Variants in AGRN observed in about 807,000 individuals in gnomAD.
AGRN encodes the protein agrin proteoglycan.
In AGRN, 106 loss-of-function variants were observed where a neutral mutation model predicts 211.0. The observed-to-expected ratio is 0.50, with a 90% CI of 0.43 to 0.59. AGRN has a LOEUF of 0.59. Among genes scored for constraint, AGRN ranks in the 20% least tolerant of loss-of-function variants. AGRN has a pLI of 0.00. For missense variants in AGRN, 3,040 were observed against 2,982.6 expected (o/e 1.02, Z -0.45); for synonymous variants, 1,525 against 1,332.5 (o/e 1.14, Z -3.15).
At chr1:1,029,710 A>G (rs1570154044) in intron 2 of AGRN, among the ~76,000 whole-genome samples, 1 of 55,504 alleles carries the variant, frequency 1.8e-5, no homozygotes, top group Non-Finnish European at 3.7e-5. Flanking sequence ...CTGTGAGATC[A>G]TGTGTGTGTG....
chr1:1,038,441 A>C (rs1028304475), intron 3 of AGRN, among the ~76,000 whole-genome samples: 2 of 152,220 alleles, frequency 1.3e-5, no homozygotes, highest in African/African-American at 4.8e-5. Flanking sequence ...CCCTGCAAGC[A>C]GTCCAGCCCC....
intron 1 of AGRN, 49 bp downstream of exon 1, chr1:1,020,422 C>A: frequency 1.4e-6 from 2 of 1,469,652 alleles, no homozygotes; most frequent in Non-Finnish European, 1.8e-6. Context: ...TGCCGCCCCG[C>A]CGGGACCCCC....
rs150375055 is a variant in AGRN, at chr1:1,021,401, G to A, written c.202-800G>A. The stretch of plus-strand genomic sequence containing the variant: ...AAGAGGCTCTGCCTGCGCAACTGGA[G>A]GGGGTCCCTGCGGATGCCGCAGTCC... On this transcript the variant is annotated intron_variant, in intron 1 of 35. Transcript: ENST00000379370. 2.1e-3 allele frequency among the ~76,000 whole-genome samples: 327 copies of A among 152,366 alleles called. 1 individual carries two copies. The highest frequency in any genetic ancestry group is 7.1e-3 in the African/African-American group (296 of 41,586).
intron 14 of AGRN, 105 bp downstream of exon 14, chr1:1,045,628 C>G: frequency 6.2e-7 from 1 of 1,606,932 alleles, no homozygotes; most frequent in Non-Finnish European, 8.5e-7. Flanking sequence ...TGACCCACAC[C>G]TGGCTGGGGG....
intron 1 of AGRN, among the ~76,000 whole-genome samples, chr1:1,020,768 G>A (rs1644380228): frequency 6.7e-6 from 1 of 148,696 alleles, no homozygotes; most frequent in Non-Finnish European, 1.5e-5. Context: ...GGGGCGAGAG[G>A]GGTTGGTCAG....
At chr1:1,023,947 G>T (rs1199919163) in intron 2 of AGRN, among the ~76,000 whole-genome samples, 1 of 152,178 alleles carries the variant, frequency 6.6e-6, no homozygotes, top group Admixed American at 6.5e-5. Flanking sequence ...CCCACAGCCA[G>T]TATGCAGCTT....
intron 2 of AGRN, among the ~76,000 whole-genome samples, chr1:1,027,454 C>T (rs1644545099): frequency 6.6e-6 from 1 of 152,202 alleles, no homozygotes. Flanking sequence ...GGCTCTTCCT[C>T]TGTCCTCGTG....
At chr1:1,053,306 T>A (rs534671437) in intron 33 of AGRN, 1 of 552,446 alleles carries the variant, frequency 1.8e-6, no homozygotes, top group African/African-American at 2.1e-5. Context: ...TGTGTAGGTG[T>A]CCCTGCTGGG....
chr1:1,054,456 G>C lies in AGRN; in HGVS notation c.5885G>C (p.Arg1962Thr). The change falls in exon 35 of 36, where the codon AGG (arginine) becomes ACG (threonine). Residue 1962 changes from arginine (R) to threonine (T), a missense_variant. Transcript: ENST00000379370. ...WLRVVAHREQ[R>T]EGSLQVGNEA... ...CCTCCCTGCACACCCAGGGAGCAGA[G>C]GGAAGGTTCCCTGCAGGTGGGCAAT... The C allele has an allele frequency of 6.3e-7, 1 of 1,587,904 alleles. No homozygotes were observed. Among genetic ancestry groups the C allele is most frequent in the Non-Finnish European group, 8.6e-7 (1 of 1,167,390 alleles).
At position 1,038,881 on chromosome 1, in the gene AGRN, G is replaced by A. The variant is rs1644861287; in HGVS notation, c.512-1784G>A. ...AGAGAGAAGGGGAACCAGAAGGGAA[G>A]TGAAAGGGCCAGGGGTGCATGTGGT... On this transcript the variant is annotated intron_variant, in intron 3 of 35. Transcript: ENST00000379370. 2.0e-5 allele frequency among the ~76,000 whole-genome samples: 3 copies of A among 152,216 alleles called. No homozygotes were observed. The South Asian group carries it at 6.2e-4, about 32-fold the overall frequency.
In AGRN at chr1:1,048,921, C is replaced by T. The variant is rs1327890426; in HGVS notation, c.4160C>T (p.Thr1387Ile). 1.3e-6 allele frequency: 2 copies of T among 1,558,138 alleles called. No individual in the cohort carries two copies. Among genetic ancestry groups the T allele is most frequent in the East Asian group, 2.4e-5 (1 of 41,962 alleles). ...FEGRSFLAFP[T>I]LRAYHTLRLA... ...GGCCGCTCCTTCCTGGCCTTCCCCA[C>T]TCTCCGCGCCTACCACACGCTGCGC... Residue 1387 changes from threonine (T) to isoleucine (I), a missense_variant, in exon 24 of 36, where the codon ACT (threonine) becomes ATT (isoleucine). Transcript: ENST00000379370. This position sits in a 1 kb window ranked among gnomAD's most constrained non-coding sequence, Gnocchi z 5.9.
At chr1:1,046,796 T>C in intron 18 of AGRN, 24 bp from the exon 19 acceptor site, 1 of 1,576,422 alleles carries the variant, frequency 6.3e-7, no homozygotes. Flanking sequence ...CACCAGAGCC[T>C]GGGCTCAGAG....
chr1:1,050,677 G>C (rs374088428), intron 29 of AGRN, 49 bp from the exon 30 acceptor site: 4 of 1,602,490 alleles, frequency 2.5e-6, no homozygotes, highest in Non-Finnish European at 3.4e-6. Flanking sequence ...CTGGGTGGTC[G>C]CGTGGCCGGT....
At chr1:1,054,332 C>T (rs941545018) in intron 34 of AGRN, 116 bp from the exon 35 acceptor site, 42 of 976,380 alleles carry the variant, frequency 4.3e-5, no homozygotes, top group Non-Finnish European at 5.9e-5. Context: ...GGTGATACCT[C>T]GGGGGTTCTC....
rs1010902512 is a variant in AGRN at position 1,056,071 on chromosome 1, T to A, written c.*1090T>A. ...GGGTGCCGTGTTACTAACTCTAGTATGTTTCTGTGTCAATCGCTGTGAAAT... is the reference window on the plus strand; with the variant it reads ...GGGTGCCGTGTTACTAACTCTAGTAAGTTTCTGTGTCAATCGCTGTGAAAT... On this transcript the variant is annotated 3_prime_UTR_variant, in exon 36 of 36. Transcript: ENST00000379370. The A allele has an allele frequency of 6.6e-6, 1 of 152,344 alleles. No individual in the cohort carries two copies. Among genetic ancestry groups the A allele is most frequent in the African/African-American group, 2.4e-5 (1 of 41,472 alleles). The allele number at this position is 152,344 out of a possible 1,614,324, so 9.4% of individuals were successfully genotyped here.
At chr1:1,035,190 G>C in intron 2 of AGRN, 87 bp from the exon 3 acceptor site, 1 of 1,461,650 alleles carries the variant, frequency 6.8e-7, no homozygotes, top group Non-Finnish European at 9.6e-7. Flanking sequence ...GGGTGGGCAG[G>C]GGTGCCCCTT....
intron 30 of AGRN, 91 bp downstream of exon 30, chr1:1,050,928 GT>G: frequency 6.5e-7 from 1 of 1,537,002 alleles, no homozygotes; most frequent in Non-Finnish European, 8.8e-7. Context: ...TCACGGAGCT[GT>G]TTTTCTGTCC....
At position 1,035,273 on chromosome 1, in the gene AGRN, C is replaced by A. The variant is rs1467185700; in HGVS notation, c.464-4C>A. The A allele has an allele frequency of 1.9e-6, 3 of 1,613,058 alleles. No individual in the cohort carries two copies. Among genetic ancestry groups the A allele is most frequent in the Non-Finnish European group, 2.5e-6 (3 of 1,179,978 alleles). On this transcript the variant is annotated splice_polypyrimidine_tract_variant and splice_region_variant and intron_variant, in intron 2 of 35. Transcript: ENST00000379370. ...GCCTAACTTGGGGATTTGTTTTCTT[C>A]CAGATAAACCCGGGACCCACTTCAC... is the stretch of plus-strand genomic sequence containing the variant.
intron 9 of AGRN, 33 bp from the exon 10 acceptor site, chr1:1,043,790 C>A: frequency 6.2e-7 from 1 of 1,607,656 alleles, no homozygotes. Context: ...CAGCCTGGGC[C>A]TGCCGACCCC....
Sources: gnomAD v4.1 joint callset for allele counts (sites outside exome capture counted in the v4.1 genomes callset) on GRCh38, gnomAD v4.1.1 for gene constraint, Gnocchi (gnomAD v3.1) non-coding constraint, MANE v1.5 for transcripts, NCBI Gene and HGNC (gene_info 2026-07-23, HGNC 2026-07-21) for gene names.